LIX1: variants seen among roughly 807,000 people sequenced by gnomAD.
LIX1 encodes protein limb expression 1 homolog.
Under a neutral mutation model 33.4 loss-of-function variants are expected in LIX1, and 24 were observed. The observed-to-expected ratio is 0.72, with a 90% CI of 0.52 to 1.01. The LOEUF (loss-of-function observed/expected upper bound fraction) is 1.01. LIX1 is among the 50% of genes least tolerant of loss of function. The pLI is 0.00. For missense variants in LIX1, 311 were observed against 339.2 expected (o/e 0.92, Z 0.65); for synonymous variants, 124 against 124.0 (o/e 1.00, Z 0.00).
At chr5:97,101,412 C>T (rs1580205417) in intron 4 of LIX1, among the ~76,000 whole-genome samples, 1 of 152,268 alleles carries the variant, frequency 6.6e-6, no homozygotes, top group South Asian at 2.1e-4. Context: ...TTGTTTAGTG[C>T]TCTGCTATCT....
chr5:97,124,351 G>A, intron 2 of LIX1, 115 bp downstream of exon 2: 1 of 846,096 alleles, frequency 1.2e-6, no homozygotes, highest in Non-Finnish European at 1.8e-6. Flanking sequence ...CATAGGATAT[G>A]GTACAACTTT....
intron 2 of LIX1, among the ~76,000 whole-genome samples, chr5:97,112,464 T>C (rs1376452440): frequency 6.6e-6 from 1 of 152,274 alleles, no homozygotes; most frequent in Non-Finnish European, 1.5e-5. Flanking sequence ...CTTCCCAGGT[T>C]ATACAGTTCA....
intron 2 of LIX1, among the ~76,000 whole-genome samples, chr5:97,119,180 T>A (rs183563580): frequency 2.5e-4 from 38 of 152,300 alleles, no homozygotes; most frequent in Non-Finnish European, 1.5e-4. Flanking sequence ...GCACCATTGG[T>A]GGTGACGTCC....
At chr5:97,095,668 TCTTTTA>T (rs1243094649) in intron 5 of LIX1, among the ~76,000 whole-genome samples, 2 of 152,248 alleles carry the variant, frequency 1.3e-5, no homozygotes, top group Non-Finnish European at 2.9e-5. Context: ...TGGTACATTG[TCTTTTA>T]CTTTTACAAA....
chr5:97,122,205 G>C (rs1747804899), intron 2 of LIX1, among the ~76,000 whole-genome samples: 1 of 152,192 alleles, frequency 6.6e-6, no homozygotes, highest in Admixed American at 6.5e-5. Context: ...TGGGTCAGAA[G>C]TTTTGAAAGC....
intron 3 of LIX1, among the ~76,000 whole-genome samples, chr5:97,106,400 T>A (rs1035317981): frequency 2.0e-5 from 3 of 152,226 alleles, no homozygotes; most frequent in African/African-American, 7.2e-5. Context: ...ATAAGAAGAT[T>A]TATGAGGGGA....
intron 2 of LIX1, among the ~76,000 whole-genome samples, chr5:97,117,013 A>G (rs1043459889): frequency 6.6e-6 from 1 of 152,222 alleles, no homozygotes; most frequent in African/African-American, 2.4e-5. Flanking sequence ...GTTTAATAAA[A>G]AAAGAAACAG....
Position 97,094,715 on chromosome 5 carries a change from G to A in LIX1, c.*33C>T. 1 of 1,601,326 alleles carries A rather than the reference G, an allele frequency of 6.2e-7. No individual in the cohort carries two copies. The highest frequency in any genetic ancestry group is 8.5e-7 in the Non-Finnish European group (1 of 1,171,930). On this transcript the variant is annotated 3_prime_UTR_variant, in exon 6 of 6. Coordinates refer to ENST00000274382, the MANE Select transcript of LIX1 (RefSeq NM_153234.5). ...GATTCCTAATGTTAATCTGGCCTCT[G>A]CCATCACTGAGGGTACCCGGGGCTT... is the stretch of plus-strand genomic sequence containing the variant.
At chr5:97,103,684 G>A (rs549790802) in intron 4 of LIX1, among the ~76,000 whole-genome samples, 2 of 152,204 alleles carry the variant, frequency 1.3e-5, no homozygotes, top group Non-Finnish European at 2.9e-5. Context: ...GGATGACTAA[G>A]GCCGGGCACG....
intron 3 of LIX1, among the ~76,000 whole-genome samples, chr5:97,105,835 G>T (rs541281198): frequency 1.3e-5 from 2 of 152,090 alleles, no homozygotes; most frequent in Non-Finnish European, 1.5e-5. Flanking sequence ...TGGGTGATGG[G>T]TAGAAATGAA....
intron 2 of LIX1, among the ~76,000 whole-genome samples, chr5:97,112,929 C>G (rs1262382379): frequency 2.0e-5 from 3 of 152,170 alleles, no homozygotes; most frequent in Admixed American, 6.5e-5. Context: ...GTAGTCCTCC[C>G]CTGCACTGCA....
chr5:97,101,644 C>CGGGGCT (rs888961234), intron 4 of LIX1: 3 of 152,170 alleles, frequency 2.0e-5, no homozygotes, highest in Non-Finnish European at 2.9e-5. Flanking sequence ...CAGACAACAA[C>CGGGGCT]GGGGCTCTGT....
intron 1 of LIX1, among the ~76,000 whole-genome samples, chr5:97,141,102 T>G (rs1748276176): frequency 6.6e-6 from 1 of 151,210 alleles, no homozygotes; most frequent in African/African-American, 2.4e-5. Context: ...AAGTTTTCAA[T>G]GGGCCAGTGA....
chr5:97,105,916 A>G (rs1746995393), intron 3 of LIX1, among the ~76,000 whole-genome samples: 1 of 152,232 alleles, frequency 6.6e-6, no homozygotes, highest in Non-Finnish European at 1.5e-5. Flanking sequence ...CTTTTGGGCC[A>G]GCCCTTCCGT....
At chr5:97,104,329 T>C (rs1037725677) in intron 4 of LIX1, among the ~76,000 whole-genome samples, 1 of 152,198 alleles carries the variant, frequency 6.6e-6, no homozygotes, top group African/African-American at 2.4e-5. Context: ...CCTACCAGCA[T>C]TGCATGTTTA....
chr5:97,103,120 A>G, intron 4 of LIX1: 1 of 443,332 alleles, frequency 2.3e-6, no homozygotes, highest in Non-Finnish European at 4.5e-6. Flanking sequence ...TAAAGTTTAT[A>G]TTCTTTCTCT....
chr5:97,096,564 T>C (rs1040825859), intron 5 of LIX1, among the ~76,000 whole-genome samples: 2 of 152,196 alleles, frequency 1.3e-5, no homozygotes, highest in African/African-American at 2.4e-5. Context: ...TATGATCCTT[T>C]CGGTTTGCAT....
intron 4 of LIX1, among the ~76,000 whole-genome samples, chr5:97,103,971 GAAA>G (rs36039071): frequency 0.017 from 1,801 of 107,444 alleles, 34 homozygotes; most frequent in African/African-American, 0.05. Flanking sequence ...TCTCAAAAAA[GAAA>G]AAAAAAAAAA....
At position 97,093,107 on chromosome 5, in the gene LIX1, C is replaced by T. The variant is rs1002614889; in HGVS notation, c.*1641G>A. On this transcript the variant is annotated 3_prime_UTR_variant, in exon 6 of 6. Coordinates refer to ENST00000274382, the MANE Select transcript of LIX1 (RefSeq NM_153234.5). Reference sequence around the variant, plus strand: ...TGACAATTATGTAGCTAATTGTTCCCCTGGTGTGAGATATGTGATACATGA... The same window carrying T: ...TGACAATTATGTAGCTAATTGTTCCTCTGGTGTGAGATATGTGATACATGA... 2 of 151,950 alleles carry T rather than the reference C, an allele frequency of 1.3e-5. No individual in the cohort carries two copies. The highest frequency in any genetic ancestry group is 4.8e-5 in the African/African-American group (2 of 41,308). 9.4% of individuals were successfully genotyped at this position (151,950 alleles called of 1,614,324 possible).
Sources: allele counts gnomAD v4.1 joint callset (sites outside exome capture counted in the v4.1 genomes callset), GRCh38; gene constraint gnomAD v4.1.1; transcripts MANE v1.5; gene names NCBI Gene and HGNC (gene_info 2026-07-23, HGNC 2026-07-21).